VXN: variants seen among roughly 807,000 people sequenced by gnomAD.
VXN encodes the protein vexin.
VXN carries 7 observed loss-of-function variants against 23.1 expected under a neutral mutation model. That is an observed-to-expected ratio of 0.30 (90% CI 0.17 to 0.57). The LOEUF (loss-of-function observed/expected upper bound fraction) is 0.57. Among genes scored for constraint, VXN ranks in the 20% least tolerant of loss-of-function variants. VXN has a pLI of 0.91. For synonymous variants in VXN, 120 were observed against 105.8 expected, an observed-to-expected ratio of 1.13 and a Z score of -0.83; for missense variants, 238 against 272.6, an observed-to-expected ratio of 0.87 and a Z score of 0.89.
chr8:66,494,797 G>T (rs1485513255), intron 1 of VXN: 1 of 152,134 alleles, frequency 6.6e-6, no homozygotes, highest in Admixed American at 6.5e-5. Flanking sequence ...GCTTTTGGGT[G>T]GAACTCCTCT....
intron 2 of VXN, among the ~76,000 whole-genome samples, chr8:66,501,524 T>C (rs1237580117): frequency 6.6e-6 from 1 of 152,152 alleles, no homozygotes; most frequent in Non-Finnish European, 1.5e-5. Context: ...TGTGGGTAAT[T>C]TGGAGTTTAA....
At chr8:66,504,841 C>A (rs1265950361) in intron 2 of VXN, among the ~76,000 whole-genome samples, 2 of 152,182 alleles carry the variant, frequency 1.3e-5, no homozygotes, top group African/African-American at 4.8e-5. Flanking sequence ...CTCCATTTTG[C>A]CAGCAGCTTC....
At chr8:66,513,790 A>G in intron 5 of VXN, 153 bp downstream of exon 5, 1 of 600,494 alleles carries the variant, frequency 1.7e-6, no homozygotes, top group Non-Finnish European at 2.9e-6. Flanking sequence ...TGAGGCCAAT[A>G]ATCCTGGGTC....
At chr8:66,494,282 A>C (rs1196556042) in intron 1 of VXN, among the ~76,000 whole-genome samples, 1 of 152,060 alleles carries the variant, frequency 6.6e-6, no homozygotes, top group East Asian at 1.9e-4. Flanking sequence ...GCGACACGAG[A>C]GTCTTGACTT....
intron 4 of VXN, 164 bp downstream of exon 4, chr8:66,510,321 G>T: frequency 1.6e-6 from 1 of 611,240 alleles, no homozygotes; most frequent in Non-Finnish European, 2.8e-6. Flanking sequence ...GCTCTCAGTT[G>T]GCCCTAATTT....
chr8:66,510,531 A>C (rs2130556000), intron 4 of VXN, among the ~76,000 whole-genome samples: 1 of 152,306 alleles, frequency 6.6e-6, no homozygotes, highest in South Asian at 2.1e-4. Context: ...GGGAAAAGAG[A>C]GGCGAGGCTC....
At chr8:66,493,906 A>G (rs558876241) in intron 1 of VXN, among the ~76,000 whole-genome samples, 188 bp downstream of exon 1, 11 of 152,124 alleles carry the variant, frequency 7.2e-5, no homozygotes, top group Admixed American at 1.3e-4. Flanking sequence ...TCACTGAGAA[A>G]CAATCCATCA....
rs766323693 is a variant in VXN, at chr8:66,516,025, G to C, written c.573G>C (p.Lys191Asn). The change falls in exon 6 of 6, where the codon AAG (lysine) becomes AAC (asparagine). Residue 191 changes from lysine (K) to asparagine (N), a missense_variant. Transcript: ENST00000305454. The stretch of plus-strand genomic sequence containing the variant: ...TCCGGAAAATGTGGACAAGGCACAA[G>C]AAGAAGTCTGAATATGTGGGAGCCA... ...GILRKMWTRH[K>N]KKSEYVGATN... 2 of 1,613,582 alleles carry C rather than the reference G, an allele frequency of 1.2e-6. No homozygotes were observed. The highest frequency in any genetic ancestry group is 1.3e-5 in the African/African-American group (1 of 75,036).
intron 3 of VXN, among the ~76,000 whole-genome samples, chr8:66,505,997 T>A (rs1488017075): frequency 6.6e-6 from 1 of 152,156 alleles, no homozygotes; most frequent in Non-Finnish European, 1.5e-5. Context: ...TTGCCCAGGC[T>A]GGTCTCGAAC....
rs550249875 is a variant in VXN, at chr8:66,518,218, G to T, written c.*2142G>T. ...TTTTAAGACAGGATTTTGCTGTGTT[G>T]CCCAGACTGGTCTCAAACTCCTGGG... On this transcript the variant is annotated 3_prime_UTR_variant, in exon 6 of 6. Transcript: ENST00000305454. 1 of 152,182 alleles carries T rather than the reference G, an allele frequency of 6.6e-6. No individual in the cohort carries two copies. The highest frequency in any genetic ancestry group is 1.5e-5 in the Non-Finnish European group (1 of 68,042). 9.4% of individuals were successfully genotyped at this position (152,182 alleles called of 1,614,324 possible).
At chr8:66,506,844 C>T (rs1807765175) in intron 3 of VXN, among the ~76,000 whole-genome samples, 1 of 122,092 alleles carries the variant, frequency 8.2e-6, no homozygotes, top group Admixed American at 1.2e-4. Flanking sequence ...AGTTTGAAAG[C>T]ATTAGGAAAA....
chr8:66,512,618 C>G (rs890552589), intron 4 of VXN, among the ~76,000 whole-genome samples: 8 of 152,124 alleles, frequency 5.3e-5, no homozygotes, highest in African/African-American at 1.9e-4. Context: ...TTTGGGAGGG[C>G]TGAGGAGGGC....
Position 66,505,715 on chromosome 8 carries a change from A to G in VXN, c.280+187A>G, listed in dbSNP as rs952646323. ...ACAAAAGCACCTGCTCTCAGGCCTC[A>G]CCTTAGCCTCACACAGCATCTTCTA... On this transcript the variant is annotated intron_variant, in intron 3 of 5. Transcript: ENST00000305454. Among the ~76,000 whole-genome samples the G allele has an allele frequency of 3.9e-5, 6 of 152,362 alleles. 1 individual carries two copies. The highest frequency in any genetic ancestry group is 1.4e-4 in the African/African-American group (6 of 41,580).
intron 2 of VXN, among the ~76,000 whole-genome samples, chr8:66,496,924 C>T (rs973172383): frequency 2.0e-5 from 3 of 151,662 alleles, no homozygotes; most frequent in Non-Finnish European, 2.9e-5. Flanking sequence ...CTCTCTCTGT[C>T]GCCAGGCTGG....
At chr8:66,496,624 C>A in intron 2 of VXN, 132 bp downstream of exon 2, 1 of 783,562 alleles carries the variant, frequency 1.3e-6, no homozygotes. Flanking sequence ...GTGCGTGCTG[C>A]ACTCTCCGTT....
At position 66,518,304 on chromosome 8, in the gene VXN, C is replaced by T. The variant is rs1807919291; in HGVS notation, c.*2228C>T. 1.3e-5 allele frequency: 2 copies of T among 152,244 alleles called. No homozygotes were observed. The highest frequency in any genetic ancestry group is 4.8e-5 in the African/African-American group (2 of 41,470). 9.4% of individuals were successfully genotyped at this position (152,244 alleles called of 1,614,324 possible). On this transcript the variant is annotated 3_prime_UTR_variant, in exon 6 of 6. Transcript: ENST00000305454. ...AAGCTGGGATGACAGGCACATGCCA[C>T]CACACCTAGCTCCTTACAACCATTT...
chr8:66,516,290 A>G lies in VXN; in HGVS notation c.*214A>G, dbSNP rs1480214426. The G allele has an allele frequency of 1.0e-5, 4 of 400,730 alleles. No individual in the cohort carries two copies. The highest frequency in any genetic ancestry group is 4.4e-6 in the Non-Finnish European group (1 of 229,176). 24.8% of individuals were successfully genotyped at this position (400,730 alleles called of 1,614,324 possible). ...GCCCCTTCTTAGAATTGCTAAAGCC[A>G]TTGGTCTGAAAGTGACTTTGGGAGG... On this transcript the variant is annotated 3_prime_UTR_variant, in exon 6 of 6. Coordinates refer to ENST00000305454, the MANE Select transcript of VXN (RefSeq NM_152765.4).
intron 3 of VXN, among the ~76,000 whole-genome samples, chr8:66,506,649 C>T (rs1317052961): frequency 1.3e-5 from 2 of 152,178 alleles, no homozygotes; most frequent in Non-Finnish European, 2.9e-5. Context: ...TGAAATAAGA[C>T]TCTACTGCGT....
At chr8:66,505,159 A>G (rs2130549310) in intron 2 of VXN, 6 of 716,586 alleles carry the variant, frequency 8.4e-6, no homozygotes, top group East Asian at 5.5e-5. Context: ...TGCTTGCCCC[A>G]TGGCACCATT....
Sources: gnomAD v4.1 joint callset for allele counts (sites outside exome capture counted in the v4.1 genomes callset) on GRCh38, gnomAD v4.1.1 for gene constraint, MANE v1.5 for transcripts, NCBI Gene and HGNC (gene_info 2026-07-23, HGNC 2026-07-21) for gene names.